Variants in IDO2 observed in about 807,000 individuals in gnomAD.
IDO2 encodes the protein indoleamine 2,3-dioxygenase-like 1 protein.
In IDO2, 46 loss-of-function variants were observed where a neutral mutation model predicts 45.1. The observed-to-expected ratio is 1.02, with a 90% CI of 0.80 to 1.30. IDO2 has a LOEUF of 1.30. Ranked by LOEUF, IDO2 falls within the 50% of genes most tolerant of loss-of-function variation. The probability of loss-of-function intolerance (pLI) is 0.00; values close to 1 mark genes in which losing one functional copy is unlikely to be tolerated. For synonymous variants in IDO2, 218 were observed against 184.9 expected (o/e 1.18, Z -1.45); for missense variants, 544 against 491.8 (o/e 1.11, Z -1.00).
exon 11 of IDO2, chr8:40,015,762 G>A (rs140630709): frequency 3.4e-4 from 206 of 608,928 alleles, no homozygotes; most frequent in African/African-American, 3.0e-3. Flanking sequence ...AGAGCTGTTG[G>A]CTTCACAAAG....
intron 1 of IDO2, among the ~76,000 whole-genome samples, chr8:39,941,171 G>A (rs1001298411): frequency 1.5e-5 from 2 of 129,844 alleles, no homozygotes; most frequent in African/African-American, 2.9e-5. Context: ...ACAGTGAGCC[G>A]AGATCATGCC....
At chr8:39,961,361 A>T (rs1585401638) in intron 2 of IDO2, among the ~76,000 whole-genome samples, 3 of 105,384 alleles carry the variant, frequency 2.8e-5, no homozygotes, top group Admixed American at 1.4e-4. Context: ...TTACTCTGTT[A>T]CTCCAGTCTG....
chr8:39,993,868 A>G (rs1801986518), intron 8 of IDO2, among the ~76,000 whole-genome samples: 1 of 151,982 alleles, frequency 6.6e-6, no homozygotes. Context: ...TTAGCTGGGC[A>G]TGGTGGCACA....
At chr8:39,938,182 C>T (rs1005844836) in intron 1 of IDO2, among the ~76,000 whole-genome samples, 2 of 152,096 alleles carry the variant, frequency 1.3e-5, no homozygotes, top group African/African-American at 2.4e-5. Context: ...GTGGCTTACA[C>T]CTGTAATTCC....
At chr8:39,995,215 C>CCTT in intron 8 of IDO2, 1 of 68,306 alleles carries the variant, frequency 1.5e-5, no homozygotes, top group East Asian at 3.0e-4. Flanking sequence ...TTCTCCTTCT[C>CCTT]CTTCTCCTTC....
chr8:39,964,940 C>T (rs142592108), intron 3 of IDO2, among the ~76,000 whole-genome samples: 1,813 of 152,266 alleles, frequency 0.012, 33 homozygotes, highest in African/African-American at 0.04. Context: ...CCCCTTTTCC[C>T]ATCTCAGAAT....
intron 8 of IDO2, among the ~76,000 whole-genome samples, chr8:39,998,735 G>A (rs1452008631): frequency 2.8e-5 from 4 of 143,888 alleles, no homozygotes; most frequent in South Asian, 2.2e-4. Flanking sequence ...GTGCCTCCCC[G>A]GTTCAAGCAA....
chr8:39,948,831 G>T (rs188541737), intron 1 of IDO2, among the ~76,000 whole-genome samples: 2 of 152,252 alleles, frequency 1.3e-5, no homozygotes, highest in East Asian at 3.9e-4. Context: ...ACAACCACAG[G>T]TCTATTTCAT....
chr8:39,988,551 C>T (rs1461662917), intron 7 of IDO2, among the ~76,000 whole-genome samples: 1 of 152,158 alleles, frequency 6.6e-6, no homozygotes, highest in Non-Finnish European at 1.5e-5. Flanking sequence ...CCTCCCTCAG[C>T]CTCCTAAGTA....
intron 9 of IDO2, among the ~76,000 whole-genome samples, chr8:40,007,374 T>C (rs1317541808): frequency 2.7e-5 from 4 of 150,816 alleles, no homozygotes; most frequent in Non-Finnish European, 5.9e-5. Context: ...TGGGAGGGAG[T>C]GGGGATGGAA....
chr8:39,998,616 T>C (rs1802085996), intron 8 of IDO2: 1 of 150,578 alleles, frequency 6.6e-6, no homozygotes, highest in South Asian at 2.1e-4. Flanking sequence ...CTCCCTCCCA[T>C]GTTAATGCTT....
intron 2 of IDO2, among the ~76,000 whole-genome samples, chr8:39,953,873 G>A (rs1294297386): frequency 2.0e-5 from 3 of 152,130 alleles, no homozygotes; most frequent in Non-Finnish European, 2.9e-5. Flanking sequence ...TCTTCTACCC[G>A]AGATGTTTAA....
chr8:39,938,689 T>C (rs1314954925), intron 1 of IDO2, among the ~76,000 whole-genome samples: 1 of 152,030 alleles, frequency 6.6e-6, no homozygotes, highest in Admixed American at 6.6e-5. Flanking sequence ...AAAAGACATA[T>C]GTGATAAAAG....
chr8:39,971,100 C>G (rs1472381341), intron 3 of IDO2, among the ~76,000 whole-genome samples: 1 of 152,152 alleles, frequency 6.6e-6, no homozygotes, highest in Non-Finnish European at 1.5e-5. Flanking sequence ...CAATGCCTAG[C>G]TTGAAAGGAC....
intron 1 of IDO2, among the ~76,000 whole-genome samples, chr8:39,948,204 T>C (rs1479236127): frequency 1.3e-5 from 2 of 152,254 alleles, no homozygotes; most frequent in African/African-American, 4.8e-5. Context: ...TATCCTTCTT[T>C]AACGTGATCG....
At chr8:39,977,568 G>A (rs1808277837) in intron 3 of IDO2, among the ~76,000 whole-genome samples, 2 of 152,138 alleles carry the variant, frequency 1.3e-5, no homozygotes, top group South Asian at 4.1e-4. Flanking sequence ...GTAGTCCCAG[G>A]TACTCAGGAG....
chr8:40,012,223 C>T (rs1287735075), intron 9 of IDO2, among the ~76,000 whole-genome samples: 1 of 152,172 alleles, frequency 6.6e-6, no homozygotes, highest in Non-Finnish European at 1.5e-5. Flanking sequence ...AAATGTGCAA[C>T]ATCAATGTGG....
chr8:39,989,887 C>T, intron 8 of IDO2, 49 bp downstream of exon 8: 10 of 1,292,958 alleles, frequency 7.7e-6, no homozygotes, highest in African/African-American at 1.5e-5. Flanking sequence ...GTCCTGGGCT[C>T]TGCTTAGGGG....
chr8:39,972,276 G>A (rs558423287), intron 3 of IDO2, among the ~76,000 whole-genome samples: 4 of 152,310 alleles, frequency 2.6e-5, no homozygotes, highest in African/African-American at 9.6e-5. Context: ...AAACATAGTT[G>A]ATAAAGCATC....
Sources: gnomAD v4.1 joint callset for allele counts (sites outside exome capture counted in the v4.1 genomes callset) on GRCh38, gnomAD v4.1.1 for gene constraint, MANE v1.5 for transcripts, NCBI Gene and HGNC (gene_info 2026-07-23, HGNC 2026-07-21) for gene names.